DMBT1: variants seen among roughly 807,000 people sequenced by gnomAD.
The protein encoded by DMBT1 is scavenger receptor cysteine-rich domain-containing protein DMBT1.
Under a neutral mutation model 252.9 loss-of-function variants are expected in DMBT1, and 198 were observed. The ratio of observed to expected loss-of-function variants is 0.78; its 90% CI spans 0.70 to 0.88. DMBT1 has a LOEUF of 0.88. Among genes scored for constraint, DMBT1 ranks in the 40% least tolerant of loss-of-function variants. The pLI is 0.00. For synonymous variants in DMBT1, 990 were observed against 942.7 expected (o/e 1.05, Z -0.92); for missense variants, 2,432 against 2,404.7 (o/e 1.01, Z -0.24).
chr10:122,585,408 G>C lies in DMBT1; in HGVS notation c.1459+99G>C, dbSNP rs572933402. On this transcript the variant is annotated intron_variant, in intron 15 of 55. Coordinates refer to ENST00000338354, the MANE Select transcript of DMBT1 (RefSeq NM_001377530.1). ...GATGAGGGTCAAGGTGGGCCCCTCT[G>C]TTTTTCATGTCCCTGTGGGTTGCAT... is the stretch of plus-strand genomic sequence containing the variant. 4.1e-4 allele frequency: 578 copies of C among 1,413,692 alleles called. 33 individuals are homozygous for C. The highest frequency in any genetic ancestry group is 3.6e-3 in the African/African-American group (260 of 72,768). 87.6% of individuals were successfully genotyped at this position (1,413,692 alleles called of 1,614,324 possible).
In DMBT1 at chr10:122,625,935, T is replaced by C. The variant is rs560880257; in HGVS notation, c.5638T>C (p.Trp1880Arg). Residue 1880 changes from tryptophan to arginine, a missense_variant and splice_region_variant, in exon 46 of 56, where the codon TGG (tryptophan) becomes CGG (arginine). Trp to Arg is a moderately radical substitution (Grantham distance 101). Coordinates refer to ENST00000338354, the MANE Select transcript of DMBT1 (RefSeq NM_001377530.1). Reference protein sequence around the residue: ...ATQINSTTTDWWHPTTTTTAR... With the variant: ...ATQINSTTTDRWHPTTTTTAR... ...AACAGCTTCATTTTTTTTTCTAGAT[T>C]GGTGGCATCCAACAACTACAACCAC... 154 of 1,611,574 alleles carry C rather than the reference T, an allele frequency of 9.6e-5. No homozygotes were observed. In the South Asian group the frequency reaches 1.5e-3, roughly 16 times the overall value.
intron 19 of DMBT1, 52 bp from the exon 20 acceptor site, chr10:122,592,220 G>A: frequency 6.3e-7 from 1 of 1,576,044 alleles, no homozygotes; most frequent in Non-Finnish European, 8.6e-7. Context: ...ACGTGCCTTA[G>A]ATCCTTACCT....
intron 20 of DMBT1, among the ~76,000 whole-genome samples, chr10:122,593,307 G>A (rs2097866044): frequency 6.7e-6 from 1 of 148,378 alleles, no homozygotes; most frequent in South Asian, 2.3e-4. Context: ...AGATGTGCAA[G>A]GGAGTGGGTT....
chr10:122,599,191 C>A, intron 26 of DMBT1, 94 bp downstream of exon 26: 1 of 1,589,610 alleles, frequency 6.3e-7, no homozygotes, highest in Non-Finnish European at 8.6e-7. Context: ...CTCAAAGCTT[C>A]TTCTATGTTT....
At chr10:122,633,168 A>C (rs1254261435) in intron 51 of DMBT1, 23 bp from the exon 52 acceptor site, 6 of 1,613,078 alleles carry the variant, frequency 3.7e-6, no homozygotes, top group Non-Finnish European at 5.1e-6. Flanking sequence ...GGTCACCGAC[A>C]TTCCCACTTT....
rs1030895219 is a variant in DMBT1, at chr10:122,589,111, G to A, written c.1951G>A (p.Ala651Thr). Reference sequence around the variant, plus strand: ...GCTGGGCTGTGGCTGGGCCACGTCAGCCCCAGGAAATGCCCGGTTTGGTCA... The same window carrying A: ...GCTGGGCTGTGGCTGGGCCACGTCAACCCCAGGAAATGCCCGGTTTGGTCA... ...RQLGCGWATSAPGNARFGQGS... is the reference protein window; with the variant it reads ...RQLGCGWATSTPGNARFGQGS... The change falls in exon 17 of 56, where the codon GCC becomes ACC. Residue 651 changes from alanine to threonine, a missense_variant. Physicochemically the swap from Ala to Thr is moderately conservative, Grantham distance 58. Around this residue, in one of 3 missense-constraint regions of DMBT1, gnomAD observed 1,264 missense variants for 1,082.2 expected, o/e 1.17. Coordinates refer to ENST00000338354, the MANE Select transcript of DMBT1 (RefSeq NM_001377530.1). 4 of 1,588,538 alleles carry A rather than the reference G, an allele frequency of 2.5e-6. No homozygotes were observed. Among genetic ancestry groups the A allele is most frequent in the African/African-American group, 2.7e-5 (2 of 74,540 alleles).
intron 48 of DMBT1, 108 bp from the exon 49 acceptor site, chr10:122,630,853 C>T (rs377589485): frequency 5.9e-5 from 74 of 1,247,628 alleles, no homozygotes; most frequent in Middle Eastern, 5.9e-4. Context: ...TTCTATTTGG[C>T]GACTTTAGAG....
intron 1 of DMBT1, among the ~76,000 whole-genome samples, chr10:122,561,679 T>C (rs897967383): frequency 1.4e-4 from 21 of 151,912 alleles, no homozygotes; most frequent in African/African-American, 4.8e-4. Context: ...TCTCTCTCTC[T>C]GTATCTTTCT....
chr10:122,574,888 T>C lies in DMBT1; in HGVS notation c.283+1126T>C, dbSNP rs144436264. ...TCTTATCAGGAACTCTAGTGTCAGC[T>C]GGGAGTCACATTTCTTCTAGATCTG... On this transcript the variant is annotated intron_variant, in intron 6 of 55. Transcript: ENST00000338354. Among the ~76,000 whole-genome samples, 19 of 152,308 alleles carry C rather than the reference T, an allele frequency of 1.2e-4. 1 individual carries two copies. The East Asian group carries it at 3.7e-3, about 29-fold the overall frequency.
chr10:122,573,574 G>T, intron 5 of DMBT1, 141 bp from the exon 6 acceptor site: 1 of 1,033,278 alleles, frequency 9.7e-7, no homozygotes, highest in Non-Finnish European at 1.5e-6. Flanking sequence ...AAAGCGATTG[G>T]CACATGGTTG....
At chr10:122,634,405 C>CTTTCT (rs1566004715) in intron 52 of DMBT1, among the ~76,000 whole-genome samples, 1 of 97,362 alleles carries the variant, frequency 1.0e-5, no homozygotes, top group African/African-American at 3.9e-5. Flanking sequence ...TCTTTCTTTT[C>CTTTCT]TTTCTTTCTC....
rs760035979 is a variant in DMBT1, at chr10:122,625,276, G to T, written c.5609-1G>T. On this transcript the variant is annotated splice_acceptor_variant, in intron 44 of 55. Transcript: ENST00000338354. LOFTEE classifies it high-confidence loss of function. ...CTCATGTTTTCTTCTTTTCCTTGCA[G>T]CCACCCAAATAAATTCTACTACGAC... The T allele has an allele frequency of 6.2e-7, 1 of 1,611,036 alleles. No homozygotes were observed. Among genetic ancestry groups the T allele is most frequent in the East Asian group, 2.2e-5 (1 of 44,858 alleles).
In DMBT1 at chr10:122,637,241, T is replaced by C. The variant is rs770032518; in HGVS notation, c.6871T>C (p.Cys2291Arg). The change falls in exon 54 of 56, where the codon TGT (cysteine) becomes CGT (arginine). Residue 2291 changes from cysteine to arginine, a missense_variant. Coordinates refer to ENST00000338354, the MANE Select transcript of DMBT1 (RefSeq NM_001377530.1). Reference protein sequence around the residue: ...VISTWNGYYECRPQITPNLVI... With the variant: ...VISTWNGYYERRPQITPNLVI... Reference sequence around the variant, plus strand: ...TTCCACCTGGAATGGATACTACGAGTGTCGGCCCCAGATAACGCCGAACCT... The same window carrying C: ...TTCCACCTGGAATGGATACTACGAGCGTCGGCCCCAGATAACGCCGAACCT... 14 of 1,613,850 alleles carry C rather than the reference T, an allele frequency of 8.7e-6. No homozygotes were observed. The African/African-American group carries it at 1.6e-4, about 18-fold the overall frequency.
chr10:122,566,126 C>CG (rs1565531702), intron 2 of DMBT1, 130 bp downstream of exon 2: 2 of 946,770 alleles, frequency 2.1e-6, no homozygotes, highest in Non-Finnish European at 3.3e-6. Context: ...GCAGGAATGC[C>CG]GGGGGGACAG....
intron 54 of DMBT1, among the ~76,000 whole-genome samples, chr10:122,639,452 G>A (rs1844095344): frequency 6.6e-6 from 1 of 152,072 alleles, no homozygotes; most frequent in Non-Finnish European, 1.5e-5. Flanking sequence ...ATTTGGGTAG[G>A]TAGTGGAAAA....
At chr10:122,639,139 G>T (rs1844031798) in intron 54 of DMBT1, among the ~76,000 whole-genome samples, 1 of 152,220 alleles carries the variant, frequency 6.6e-6, no homozygotes, top group Non-Finnish European at 1.5e-5. Flanking sequence ...TTCTGACCAA[G>T]AAATAAATCT....
rs757332645 is a variant in DMBT1, at chr10:122,592,497, G to A, written c.2402G>A (p.Arg801His). Residue 801 changes from arginine (R) to histidine (H), a missense_variant, in exon 20 of 56, where the codon CGC becomes CAC. Coordinates refer to ENST00000338354, the MANE Select transcript of DMBT1 (RefSeq NM_001377530.1). ...GSGPIVLDDVRCSGHESYLWS... is the reference protein window; with the variant it reads ...GSGPIVLDDVHCSGHESYLWS... ...GGACCCATTGTTCTGGATGATGTGC[G>A]CTGCTCAGGACACGAGTCCTACCTG... The A allele has an allele frequency of 1.1e-5, 18 of 1,587,834 alleles. 2 individuals are homozygous for A. The highest frequency in any genetic ancestry group is 1.7e-4 in the Middle Eastern group (1 of 6,034).
chr10:122,634,352 CTT>C (rs1184996032), intron 52 of DMBT1, among the ~76,000 whole-genome samples: 7 of 90,626 alleles, frequency 7.7e-5, no homozygotes, highest in Non-Finnish European at 1.1e-4. Flanking sequence ...TTCTTTCTTT[CTT>C]TCTTTCTTTC....
rs775808410 is a variant in DMBT1, at chr10:122,589,147, C to T, written c.1987C>T (p.Pro663Ser). ...TGCCCGGTTTGGTCAGGGCTCAGGA[C>T]CCATTGTCCTGGATGATGTGCGCTG... is the stretch of plus-strand genomic sequence containing the variant. Reference protein sequence around the residue: ...GNARFGQGSGPIVLDDVRCSG... With the variant: ...GNARFGQGSGSIVLDDVRCSG... The change falls in exon 17 of 56, where the codon CCC (proline) becomes TCC (serine). Residue 663 changes from proline (P) to serine (S), a missense_variant. By Grantham distance (74) the Pro-to-Ser change is moderately conservative (BLOSUM62 -1). Around this residue, in one of 3 missense-constraint regions of DMBT1, gnomAD observed 1,264 missense variants for 1,082.2 expected, o/e 1.17. Coordinates refer to ENST00000338354, the MANE Select transcript of DMBT1 (RefSeq NM_001377530.1). The T allele has an allele frequency of 3.1e-6, 5 of 1,588,420 alleles. No homozygotes were observed. Among genetic ancestry groups the T allele is most frequent in the Non-Finnish European group, 2.6e-6 (3 of 1,165,732 alleles).
Sources: gnomAD v4.1 joint callset for allele counts (sites outside exome capture counted in the v4.1 genomes callset) on GRCh38, gnomAD v4.1.1 for gene constraint, gnomAD v4.1.1 regional missense constraint, MANE v1.5 for transcripts, NCBI Gene and HGNC (gene_info 2026-07-23, HGNC 2026-07-21) for gene names.